PCDHA8: variants seen among roughly 807,000 people sequenced by gnomAD.
PCDHA8 encodes the protein protocadherin alpha 8, also known as protocadherin alpha-8.
Under a neutral mutation model 61.8 loss-of-function variants are expected in PCDHA8, and 53 were observed. The ratio of observed to expected loss-of-function variants is 0.86; its 90% confidence interval spans 0.69 to 1.08. The LOEUF (loss-of-function observed/expected upper bound fraction) is 1.08. Among genes scored for constraint, PCDHA8 ranks in the 50% least tolerant of loss-of-function variants. The pLI is 0.00. For missense variants in PCDHA8, 1,293 were observed against 1,245.0 expected, an observed-to-expected ratio of 1.04 and a Z score of -0.58; for synonymous variants, 618 against 556.6, an observed-to-expected ratio of 1.11 and a Z score of -1.55.
At chr5:140,883,303 T>C in intron 1 of PCDHA8, 3 of 1,614,096 alleles carry the variant, frequency 1.9e-6, no homozygotes, top group Non-Finnish European at 2.5e-6. Flanking sequence ...ATGTAAATGA[T>C]AACGCCCCAG....
intron 1 of PCDHA8, chr5:140,850,572 C>T: frequency 6.3e-7 from 1 of 1,598,416 alleles, no homozygotes; most frequent in South Asian, 1.1e-5. Flanking sequence ...CGAGGTGACG[C>T]TGGTGGATGT....
At chr5:141,007,677 T>C (rs2098339934) in intron 3 of PCDHA8, among the ~76,000 whole-genome samples, 1 of 152,158 alleles carries the variant, frequency 6.6e-6, no homozygotes, top group South Asian at 2.1e-4. Flanking sequence ...AGACAAAAGT[T>C]ATCCTACTTC....
At chr5:140,895,671 T>C (rs1014778982) in intron 1 of PCDHA8, among the ~76,000 whole-genome samples, 5 of 152,184 alleles carry the variant, frequency 3.3e-5, no homozygotes, top group African/African-American at 4.8e-5. Context: ...GAACATGTAG[T>C]ATTTGGTTTT....
intron 1 of PCDHA8, chr5:140,859,719 T>C (rs1562546995): frequency 6.5e-6 from 1 of 154,108 alleles, no homozygotes; most frequent in Non-Finnish European, 1.4e-5. Flanking sequence ...CAAAAAAAAA[T>C]TGTGGCAAGA....
intron 1 of PCDHA8, among the ~76,000 whole-genome samples, chr5:140,885,108 T>C (rs986059469): frequency 6.6e-6 from 1 of 152,226 alleles, no homozygotes; most frequent in Non-Finnish European, 1.5e-5. Flanking sequence ...AAATGCTTTT[T>C]TTAAGTGCAC....
intron 1 of PCDHA8, chr5:140,883,464 C>G (rs1219426048): frequency 6.2e-7 from 1 of 1,614,044 alleles, no homozygotes; most frequent in African/African-American, 1.3e-5. Flanking sequence ...AAGCTGGTGT[C>G]CACCTACAAG....
chr5:140,876,493 C>T (rs1554168608), intron 1 of PCDHA8: 2 of 1,614,008 alleles, frequency 1.2e-6, no homozygotes, highest in Admixed American at 3.3e-5. Context: ...GGTGGAAGTT[C>T]TGGACGTGAA....
intron 1 of PCDHA8, chr5:140,928,426 TC>T (rs781827449): frequency 1.9e-6 from 3 of 1,614,134 alleles, no homozygotes; most frequent in South Asian, 2.2e-5. Context: ...TGCCAAAACT[TC>T]CTTTGACTTT....
At position 140,881,209 on chromosome 5, in the gene PCDHA8, G is replaced by C. The variant is rs74494049; in HGVS notation, c.2394+37494G>C. The C allele has an allele frequency of 3.6e-3, 703 of 194,982 alleles. 1 individual carries two copies. The highest frequency in any genetic ancestry group is 0.016 in the African/African-American group (679 of 42,430). 12.1% of individuals were successfully genotyped at this position (194,982 alleles called of 1,614,324 possible). On this transcript the variant is annotated intron_variant, in intron 1 of 3. Transcript: ENST00000531613. Reference sequence around the variant, plus strand: ...GATATGTTAACATCTTTGTCTAGCTGTTGTTTCTTGGAAAATTAAAGTCAA... The same window carrying C: ...GATATGTTAACATCTTTGTCTAGCTCTTGTTTCTTGGAAAATTAAAGTCAA...
At position 140,843,149 on chromosome 5, in the gene PCDHA8, G is replaced by A; in HGVS notation, c.1828G>A (p.Glu610Lys). 6.3e-7 allele frequency: 1 copy of A among 1,596,096 alleles called. No individual in the cohort carries two copies. The highest frequency in any genetic ancestry group is 8.6e-7 in the Non-Finnish European group (1 of 1,165,586). Residue 610 changes from glutamate to lysine, a missense_variant, in exon 1 of 4, where the codon GAG (glutamate) becomes AAG (lysine). Physicochemically the swap from Glu to Lys is moderately conservative, Grantham distance 56 (BLOSUM62 1). Coordinates refer to ENST00000531613, the MANE Select transcript of PCDHA8 (RefSeq NM_018911.3). ...GGGCTACAACGCGTGGCTTTCGTAT[G>A]AGCTGCAGCCAGCTGCAAGCAGCCC... ...DSGYNAWLSY[E>K]LQPAASSPRI...
chr5:140,883,159 G>T (rs782151764), intron 1 of PCDHA8: 3 of 1,613,846 alleles, frequency 1.9e-6, no homozygotes, highest in South Asian at 1.1e-5. Flanking sequence ...CCATAAATCC[G>T]AACAATGGAG....
At chr5:140,850,364 C>T in intron 1 of PCDHA8, 1 of 1,597,830 alleles carries the variant, frequency 6.3e-7, no homozygotes, top group Non-Finnish European at 8.6e-7. Flanking sequence ...TCCCGTTCCG[C>T]GTGGGGCTGT....
intron 1 of PCDHA8, among the ~76,000 whole-genome samples, chr5:140,954,347 G>A (rs145658065): frequency 0.023 from 3,565 of 152,288 alleles, 49 homozygotes; most frequent in Middle Eastern, 0.034. Flanking sequence ...CTAGATCTTT[G>A]AGGAATCGCC....
chr5:140,849,588 C>A (rs2150441639), intron 1 of PCDHA8: 12 of 1,598,674 alleles, frequency 7.5e-6, no homozygotes, highest in Non-Finnish European at 1.0e-5. Flanking sequence ...GGACGCACAA[C>A]TGGGGACAGT....
chr5:140,950,720 T>C (rs2094512536), intron 1 of PCDHA8, among the ~76,000 whole-genome samples: 1 of 152,106 alleles, frequency 6.6e-6, no homozygotes, highest in South Asian at 2.1e-4. Flanking sequence ...CTTATATCCT[T>C]AAATTTTTTA....
chr5:140,876,928 A>G lies in PCDHA8; in HGVS notation c.2394+33213A>G, dbSNP rs188405716. On this transcript the variant is annotated intron_variant, in intron 1 of 3. Coordinates refer to ENST00000531613, the MANE Select transcript of PCDHA8 (RefSeq NM_018911.3). ...GTCGGCATGGGACGCGGACGCGCAG[A>G]AGAACGCGCTGGTGTCCTACTCGCT... The G allele has an allele frequency of 1.9e-5, 31 of 1,613,808 alleles. No individual in the cohort carries two copies. In the African/African-American group the frequency reaches 2.4e-4, roughly 12 times the overall value.
chr5:140,978,175 G>A (rs1163383689), intron 1 of PCDHA8, among the ~76,000 whole-genome samples: 1 of 152,170 alleles, frequency 6.6e-6, no homozygotes, highest in Admixed American at 6.5e-5. Context: ...TTTGTAGAGA[G>A]AGGGCAACAG....
chr5:140,976,644 A>G (rs1487728765), intron 1 of PCDHA8, among the ~76,000 whole-genome samples: 1 of 152,228 alleles, frequency 6.6e-6, no homozygotes, highest in Admixed American at 6.5e-5. Context: ...CAGACAAGTA[A>G]TTTAATCTCT....
intron 1 of PCDHA8, chr5:140,927,058 C>T (rs376173105): frequency 1.2e-6 from 2 of 1,611,256 alleles, no homozygotes; most frequent in African/African-American, 1.3e-5. Flanking sequence ...GCGGAACTTT[C>T]GCTTCCTTTC....
Sources: allele counts gnomAD v4.1 joint callset (sites outside exome capture counted in the v4.1 genomes callset), GRCh38; gene constraint gnomAD v4.1.1; transcripts MANE v1.5; gene names NCBI Gene and HGNC (gene_info 2026-07-23, HGNC 2026-07-21).